Variants in ZC3H12B observed in about 807,000 individuals in gnomAD.
ZC3H12B encodes probable ribonuclease ZC3H12B.
ZC3H12B carries 7 observed loss-of-function variants against 43.9 expected under a neutral mutation model. That is an observed-to-expected ratio of 0.16 (90% CI 0.09 to 0.30). ZC3H12B has a LOEUF of 0.30. ZC3H12B is among the 10% of genes least tolerant of loss of function. The probability of loss-of-function intolerance (pLI) is 1.00; values close to 1 mark genes in which losing one functional copy is unlikely to be tolerated. For synonymous variants in ZC3H12B, 222 were observed against 241.7 expected, an observed-to-expected ratio of 0.92 and a Z score of 0.76; for missense variants, 475 against 670.2, an observed-to-expected ratio of 0.71 and a Z score of 3.22.
At chrX:65,124,608 C>G in the ZC3H12B span, among the ~76,000 whole-genome samples, 1 of 110,596 alleles carries the variant, frequency 9.0e-6, no homozygotes, top group African/African-American at 3.3e-5. Flanking sequence ...CTGAATTTGT[C>G]TGGTCCTGGA....
chrX:65,158,932 C>T, the ZC3H12B span, among the ~76,000 whole-genome samples: 9 of 111,890 alleles, frequency 8.0e-5, no homozygotes, highest in Non-Finnish European at 1.3e-4. Flanking sequence ...TTTAATCCAT[C>T]TTGAATAAAT....
chrX:65,407,245 C>T (rs917795325), intron 3 of ZC3H12B, among the ~76,000 whole-genome samples: 2 of 112,310 alleles, frequency 1.8e-5, no homozygotes, highest in South Asian at 3.7e-4. Flanking sequence ...GCGCGCGAGG[C>T]GCGGCGCCCT....
chrX:65,176,234 G>A, the ZC3H12B span, among the ~76,000 whole-genome samples: 2 of 111,549 alleles, frequency 1.8e-5, no homozygotes, highest in Middle Eastern at 4.6e-3. Context: ...TGAGGCTTGA[G>A]TAGGCAGTTT....
chrX:65,354,199 A>G, the ZC3H12B span, among the ~76,000 whole-genome samples: 3 of 111,977 alleles, frequency 2.7e-5, no homozygotes, highest in African/African-American at 9.7e-5. Flanking sequence ...GGGTCGACAG[A>G]CATCTTGTAC....
the ZC3H12B span, among the ~76,000 whole-genome samples, chrX:65,348,543 C>T: frequency 9.0e-6 from 1 of 110,996 alleles, no homozygotes; most frequent in African/African-American, 3.3e-5. Flanking sequence ...GAGATAAATG[C>T]CCCAATTAAA....
chrX:65,270,606 T>G, the ZC3H12B span, among the ~76,000 whole-genome samples: 90 of 110,832 alleles, frequency 8.1e-4, no homozygotes, highest in African/African-American at 3.0e-3. Flanking sequence ...ACCTACAGCC[T>G]GGGAAAATAT....
intron 3 of ZC3H12B, among the ~76,000 whole-genome samples, chrX:65,407,018 C>T (rs954701244): frequency 1.7e-4 from 19 of 112,728 alleles, no homozygotes; most frequent in South Asian, 3.6e-4. Context: ...GGTGAGAGAA[C>T]TTTGCAGTGG....
chrX:65,202,721 CT>C, the ZC3H12B span, among the ~76,000 whole-genome samples: 1 of 111,035 alleles, frequency 9.0e-6, no homozygotes, highest in Non-Finnish European at 1.9e-5. Context: ...TGGATCTTAC[CT>C]AAGACCTGTG....
chrX:65,300,642 G>T, the ZC3H12B span, among the ~76,000 whole-genome samples: 30 of 110,891 alleles, frequency 2.7e-4, no homozygotes, highest in Non-Finnish European at 5.1e-4. Context: ...ATCACAGGAG[G>T]AACCTGAGTA....
At chrX:65,363,231 G>T (rs1384093038), upstream of ZC3H12B, among the ~76,000 whole-genome samples, 3 of 110,798 alleles carry the variant, frequency 2.7e-5, no homozygotes, top group Non-Finnish European at 5.7e-5. Context: ...ACACCCTCCT[G>T]CTCCTTCAAC....
the ZC3H12B span, among the ~76,000 whole-genome samples, chrX:65,070,476 C>A: frequency 9.0e-6 from 1 of 111,006 alleles, no homozygotes; most frequent in African/African-American, 3.3e-5. Context: ...CTTCTGCTAG[C>A]TTTGAGACTG....
the ZC3H12B span, among the ~76,000 whole-genome samples, chrX:65,211,725 T>C: frequency 1.2e-5 from 1 of 86,929 alleles, no homozygotes; most frequent in Non-Finnish European, 2.1e-5. Context: ...TATATATTTT[T>C]ATGTAATAAT....
intron 3 of ZC3H12B, among the ~76,000 whole-genome samples, chrX:65,417,633 CT>C (rs1376219312): frequency 8.9e-6 from 1 of 112,595 alleles, no homozygotes. Flanking sequence ...AAATTATTCT[CT>C]CTGGAGCTAA....
the ZC3H12B span, among the ~76,000 whole-genome samples, chrX:65,095,209 A>G: frequency 6.8e-3 from 763 of 112,012 alleles, 9 homozygotes; most frequent in African/African-American, 0.023. Flanking sequence ...CTGTATTAGG[A>G]AAATCTGCAT....
rs1039338621 is a variant in ZC3H12B at position 65,412,977 on chromosome X, T to G, written n.407+14273T>G. Among the ~76,000 whole-genome samples, 8 of 111,167 alleles carry G rather than the reference T, an allele frequency of 7.2e-5. No individual in the cohort carries two copies. The East Asian group carries it at 8.4e-4, about 12-fold the overall frequency. On this transcript the variant is annotated intron_variant and non_coding_transcript_variant, in intron 3 of 5. Transcript: ENST00000617377. ...AACAATTCTCTTATTATTTTCTCGG[T>G]TTTTTTTCCTAGTGAGAGTGAAGTT... is the stretch of plus-strand genomic sequence containing the variant.
chrX:65,336,732 G>A, the ZC3H12B span, among the ~76,000 whole-genome samples: 5 of 111,913 alleles, frequency 4.5e-5, no homozygotes, highest in South Asian at 7.5e-4. Context: ...AAAGGCCCAC[G>A]TATTGCAGCA....
chrX:65,244,443 C>A, the ZC3H12B span, among the ~76,000 whole-genome samples: 1 of 109,903 alleles, frequency 9.1e-6, no homozygotes, highest in African/African-American at 3.3e-5. Context: ...TGCCACAATA[C>A]TTAATTCATT....
intron 2 of ZC3H12B, among the ~76,000 whole-genome samples, chrX:65,374,540 A>C (rs1382951597): frequency 9.1e-6 from 1 of 109,483 alleles, no homozygotes; most frequent in Non-Finnish European, 1.9e-5. Flanking sequence ...GGAACACCAA[A>C]TGTAATAACT....
At chrX:65,241,706 C>A in the ZC3H12B span, among the ~76,000 whole-genome samples, 1 of 112,585 alleles carries the variant, frequency 8.9e-6, no homozygotes, top group Non-Finnish European at 1.9e-5. Flanking sequence ...ACAGGAATGG[C>A]AGCCGCCCTT....
Sources: allele counts gnomAD v4.1 joint callset (sites outside exome capture counted in the v4.1 genomes callset), GRCh38; gene constraint gnomAD v4.1.1; transcripts MANE v1.5; gene names NCBI Gene and HGNC (gene_info 2026-07-23, HGNC 2026-07-21).